Variants in EPB41 observed in about 807,000 individuals in gnomAD.
EPB41 encodes the protein protein 4.1.
A neutral mutation model predicts 108.0 loss-of-function variants in EPB41; 65 were observed. The ratio of observed to expected loss-of-function variants is 0.60; its 90% CI spans 0.49 to 0.74. The LOEUF (loss-of-function observed/expected upper bound fraction) is 0.74. Among genes scored for constraint, EPB41 ranks in the 30% least tolerant of loss-of-function variants. The probability of loss-of-function intolerance (pLI) is 0.00; values close to 1 mark genes in which losing one functional copy is unlikely to be tolerated. For synonymous variants in EPB41, 336 were observed against 358.9 expected (o/e 0.94, Z 0.72); for missense variants, 875 against 1,037.0 (o/e 0.84, Z 2.15).
chr1:28,941,217 A>C (rs1317830872), intron 1 of EPB41, among the ~76,000 whole-genome samples: 1 of 151,576 alleles, frequency 6.6e-6, no homozygotes, highest in Admixed American at 6.6e-5. Flanking sequence ...AAAAAAAAAA[A>C]CAAAACAAAC....
chr1:28,967,755 G>T (rs1337687701), intron 1 of EPB41, among the ~76,000 whole-genome samples: 1 of 150,664 alleles, frequency 6.6e-6, no homozygotes, highest in African/African-American at 2.4e-5. Flanking sequence ...ACAGGTGTGA[G>T]CCACTGAACC....
chr1:29,033,081 T>C lies in EPB41; in HGVS notation c.1213-12T>C. On this transcript the variant is annotated splice_polypyrimidine_tract_variant and intron_variant, in intron 8 of 20. Transcript: ENST00000343067. Reference sequence around the variant, plus strand: ...TGCTCCAGACTGAAATCCTAACATTTTTCTTTTTCAGGACTTGGAAGGAGT... The same window carrying C: ...TGCTCCAGACTGAAATCCTAACATTCTTCTTTTTCAGGACTTGGAAGGAGT... 1.2e-6 allele frequency: 2 copies of C among 1,613,670 alleles called. 1 individual carries two copies. The highest frequency in any genetic ancestry group is 2.7e-5 in the African/African-American group (2 of 75,048).
intron 1 of EPB41, among the ~76,000 whole-genome samples, chr1:28,929,744 G>A (rs1398019989): frequency 6.7e-6 from 1 of 148,916 alleles, no homozygotes; most frequent in South Asian, 2.1e-4. Context: ...TTGGTCAGGC[G>A]GCTAGTCTCG....
intron 11 of EPB41, among the ~76,000 whole-genome samples, chr1:29,039,705 T>C (rs1640765565): frequency 6.6e-6 from 1 of 152,086 alleles, no homozygotes; most frequent in South Asian, 2.1e-4. Context: ...TCCCAGCTAC[T>C]TGGGAGGCTG....
intron 1 of EPB41, among the ~76,000 whole-genome samples, chr1:28,925,020 C>T (rs1409177099): frequency 6.7e-6 from 1 of 149,084 alleles, no homozygotes. Flanking sequence ...GGCTGGAGTG[C>T]AGTAGCGCGA....
At chr1:28,901,383 T>C (rs1365419103) in intron 1 of EPB41, among the ~76,000 whole-genome samples, 1 of 146,694 alleles carries the variant, frequency 6.8e-6, no homozygotes, top group African/African-American at 2.5e-5. Flanking sequence ...CGCCACCATG[T>C]CCAGCTAATT....
At chr1:29,092,293 C>T (rs941303775) in intron 16 of EPB41, among the ~76,000 whole-genome samples, 1 of 152,024 alleles carries the variant, frequency 6.6e-6, no homozygotes, top group Admixed American at 6.6e-5. Flanking sequence ...GATGGGGTTT[C>T]TCCATGTTGG....
chr1:28,929,843 C>CTTTTTTTTT (rs56337991), intron 1 of EPB41, among the ~76,000 whole-genome samples: 50 of 101,836 alleles, frequency 4.9e-4, no homozygotes, highest in East Asian at 2.9e-3. Flanking sequence ...ACTGGGCCTT[C>CTTTTTTTTT]TTTTTTTTTT....
chr1:28,994,799 C>A (rs2096124314), intron 3 of EPB41, among the ~76,000 whole-genome samples: 1 of 150,828 alleles, frequency 6.6e-6, no homozygotes, highest in Admixed American at 6.6e-5. Context: ...GCTGGGACTA[C>A]AGGCACATAC....
At chr1:29,068,852 TCCC>T in intron 16 of EPB41, 1 of 1,159,328 alleles carries the variant, frequency 8.6e-7, no homozygotes, top group Non-Finnish European at 1.1e-6. Context: ...AAGCAGATAA[TCCC>T]CCCAGAACTG....
chr1:28,997,406 C>A (rs1392619976), intron 4 of EPB41, 87 bp downstream of exon 4: 1 of 816,732 alleles, frequency 1.2e-6, no homozygotes, highest in African/African-American at 1.7e-5. Context: ...ACCTGCTTCT[C>A]TAAGCCAGTG....
At chr1:28,902,021 T>C (rs1025077821) in intron 1 of EPB41, among the ~76,000 whole-genome samples, 11 of 152,252 alleles carry the variant, frequency 7.2e-5, no homozygotes, top group African/African-American at 2.4e-4. Flanking sequence ...TTCAGCGTTA[T>C]ATCCCTTGTA....
chr1:28,916,232 A>T (rs2092660225), intron 1 of EPB41, among the ~76,000 whole-genome samples: 1 of 152,218 alleles, frequency 6.6e-6, no homozygotes, highest in Non-Finnish European at 1.5e-5. Flanking sequence ...TTGCCTTAGA[A>T]TCAAAGTAGT....
chr1:29,028,180 T>A (rs901233615), intron 7 of EPB41, among the ~76,000 whole-genome samples: 2 of 152,228 alleles, frequency 1.3e-5, no homozygotes, highest in Non-Finnish European at 2.9e-5. Flanking sequence ...AACTACATAC[T>A]GTGAAATTTA....
chr1:28,930,764 C>T (rs139305427), intron 1 of EPB41, among the ~76,000 whole-genome samples: 3,779 of 152,226 alleles, frequency 0.025, 150 homozygotes, highest in African/African-American at 0.087. Flanking sequence ...AGATTACAGG[C>T]GTGAGCCACC....
chr1:29,006,165 A>T (rs1408505566), intron 4 of EPB41, among the ~76,000 whole-genome samples: 1 of 151,416 alleles, frequency 6.6e-6, no homozygotes. Flanking sequence ...ATTATTCTCT[A>T]TTGCCTTACT....
At chr1:29,073,803 A>T (rs974993373) in intron 16 of EPB41, among the ~76,000 whole-genome samples, 1 of 152,162 alleles carries the variant, frequency 6.6e-6, no homozygotes. Context: ...TTGAAGGGAA[A>T]AGATGCTGAC....
intron 19 of EPB41, among the ~76,000 whole-genome samples, chr1:29,113,263 A>T (rs147985978): frequency 2.8e-4 from 43 of 152,336 alleles, no homozygotes; most frequent in African/African-American, 9.1e-4. Context: ...GGTGGAAGAG[A>T]TTGCATGCAA....
At chr1:28,905,156 G>C (rs766684033) in intron 1 of EPB41, among the ~76,000 whole-genome samples, 1 of 151,870 alleles carries the variant, frequency 6.6e-6, no homozygotes. Flanking sequence ...GCGAGATTGC[G>C]CCACTGCACT....
Sources: gnomAD v4.1 joint callset for allele counts (sites outside exome capture counted in the v4.1 genomes callset) on GRCh38, gnomAD v4.1.1 for gene constraint, MANE v1.5 for transcripts, NCBI Gene and HGNC (gene_info 2026-07-23, HGNC 2026-07-21) for gene names.